Variants in NEK5 observed in about 807,000 individuals in gnomAD.
The protein encoded by NEK5 is NIMA related kinase 5, also known as serine/threonine-protein kinase Nek5.
In NEK5, 88 loss-of-function variants were observed where a neutral mutation model predicts 109.2. That is an observed-to-expected ratio of 0.81 (90% CI 0.68 to 0.96). The LOEUF is 0.96. Among genes scored for constraint, NEK5 ranks in the 40% least tolerant of loss-of-function variants. NEK5 has a pLI of 0.00. For missense variants in NEK5, 834 were observed against 920.7 expected (o/e 0.91, Z 1.22); for synonymous variants, 283 against 299.9 (o/e 0.94, Z 0.58).
In NEK5 at chr13:52,080,510, G is replaced by A. The variant is rs571883864; in HGVS notation, c.1572+2750C>T. Among the ~76,000 whole-genome samples the A allele has an allele frequency of 1.4e-4, 21 of 152,354 alleles. No individual in the cohort carries two copies. The East Asian group carries it at 2.3e-3, about 17-fold the overall frequency. On this transcript the variant is annotated intron_variant, in intron 17 of 23. Transcript: ENST00000684899. ...TGGTTGCCGTGTCTGTGTAGAAAGA[G>A]GTAGACATGGGAGACTTTTCATTTT...
intron 19 of NEK5, among the ~76,000 whole-genome samples, chr13:52,074,952 A>G (rs937243441): frequency 1.4e-4 from 21 of 152,238 alleles, no homozygotes; most frequent in Non-Finnish European, 8.8e-5. Flanking sequence ...CAGAATGGCT[A>G]TTACTAAAAA....
chr13:52,040,832 T>C (rs754698036), intron 23 of NEK5, among the ~76,000 whole-genome samples: 4 of 152,174 alleles, frequency 2.6e-5, no homozygotes, highest in Non-Finnish European at 2.9e-5. Context: ...TTTCTCAACA[T>C]AGATGTTTCC....
intron 20 of NEK5, among the ~76,000 whole-genome samples, chr13:52,067,405 T>C (rs185712377): frequency 2.0e-5 from 3 of 152,282 alleles, no homozygotes; most frequent in East Asian, 3.9e-4. Flanking sequence ...ATAAGGGAAC[T>C]AGCACAGGAA....
chr13:52,043,262 G>T (rs1399703303), intron 23 of NEK5, among the ~76,000 whole-genome samples: 25 of 151,926 alleles, frequency 1.6e-4, no homozygotes. Flanking sequence ...ATTAAGGCCG[G>T]GTACAGTGGA....
Position 52,127,670 on chromosome 13 carries a change from G to T in NEK5, c.-90-8C>A. The T allele has an allele frequency of 1.9e-6, 1 of 538,682 alleles. No homozygotes were observed. The highest frequency in any genetic ancestry group is 3.1e-5 in the East Asian group (1 of 32,262). 33.4% of individuals were successfully genotyped at this position (538,682 alleles called of 1,614,324 possible). A position where few individuals can be genotyped will look rare whatever the true frequency, so the allele number is the denominator to read the frequency against. On this transcript the variant is annotated splice_region_variant and splice_polypyrimidine_tract_variant and intron_variant, in intron 1 of 23. Coordinates refer to ENST00000684899, the MANE Select transcript of NEK5 (RefSeq NM_001365552.1). ...CTTTGTGGCCACAGATAACTGAAAT[G>T]AGACAGAGTTTCTTGGTCAGACACG... is the stretch of plus-strand genomic sequence containing the variant.
Position 52,110,526 on chromosome 13 carries a change from TG to T in NEK5, c.363del (p.Asp121GlufsTer9). 1 of 1,612,878 alleles carries T rather than the reference TG, an allele frequency of 6.2e-7. No individual in the cohort carries two copies. Among genetic ancestry groups the T allele is most frequent in the Non-Finnish European group, 8.5e-7 (1 of 1,179,034 alleles). On this transcript the variant is annotated frameshift_variant, in exon 6 of 24. Transcript: ENST00000684899. LOFTEE classifies it high-confidence loss of function. ...QISLGLKHIH[D>X]RKILHRDIKA... ...TTTATGTCCCTGTGTAATATCTTCCTGTCATGAATATGTTTTAGTCCTAGAG... is the reference window on the plus strand; with the variant it reads ...TTTATGTCCCTGTGTAATATCTTCCTTCATGAATATGTTTTAGTCCTAGAG...
At chr13:52,053,689 G>C (rs1198525255) in intron 22 of NEK5, among the ~76,000 whole-genome samples, 1 of 152,140 alleles carries the variant, frequency 6.6e-6, no homozygotes, top group African/African-American at 2.4e-5. Context: ...CAATTCACCA[G>C]ATGGGGCAAT....
chr13:52,037,099 C>CAA lies in NEK5; in HGVS notation c.2347_2348insTT (p.Arg783IlefsTer10), dbSNP rs1358337526. The CAA allele has an allele frequency of 1.0e-6, 1 of 985,272 alleles. No individual in the cohort carries two copies. Among genetic ancestry groups the CAA allele is most frequent in the Admixed American group, 6.1e-5 (1 of 16,266 alleles). The allele number at this position is 985,272 out of a possible 1,614,324, so 61.0% of individuals were successfully genotyped here. On this transcript the variant is annotated frameshift_variant, in exon 24 of 24. Coordinates refer to ENST00000684899, the MANE Select transcript of NEK5 (RefSeq NM_001365552.1). LOFTEE classifies it high-confidence loss of function. ...TATCCCCTCTCTTTCTCTTGACTTT[C>CAA]TAGAGTCCTTAGAGGTACTGGAGGC... is the stretch of plus-strand genomic sequence containing the variant.
chr13:52,058,880 G>C (rs1376617643), intron 22 of NEK5, among the ~76,000 whole-genome samples: 100 of 151,934 alleles, frequency 6.6e-4, no homozygotes, highest in Non-Finnish European at 1.2e-3. Context: ...TACCATTCAG[G>C]ACATAGGCAT....
rs113008754 is a variant in NEK5 at position 52,117,214 on chromosome 13, C to T, written c.214+2105G>A. Among the ~76,000 whole-genome samples, 7 of 152,294 alleles carry T rather than the reference C, an allele frequency of 4.6e-5. No homozygotes were observed. The East Asian group carries it at 5.8e-4, about 13-fold the overall frequency. On this transcript the variant is annotated intron_variant, in intron 4 of 23. Transcript: ENST00000684899. ...GATTACAGGCATGAGCCACTGCGCC[C>T]GGCCAAAACATTCTATTTTCTATAG...
chr13:52,116,844 A>G (rs1955869074), intron 4 of NEK5, among the ~76,000 whole-genome samples: 1 of 152,156 alleles, frequency 6.6e-6, no homozygotes, highest in South Asian at 2.1e-4. Context: ...CATGGAATTA[A>G]TTTTGTCTTA....
chr13:52,046,070 C>CA (rs1216006961), intron 23 of NEK5, among the ~76,000 whole-genome samples: 2,216 of 56,916 alleles, frequency 0.039, 32 homozygotes, highest in South Asian at 0.069. Flanking sequence ...GACTCCATCT[C>CA]AAAAAAAAAA....
chr13:52,084,696 T>C (rs55772266), intron 16 of NEK5, among the ~76,000 whole-genome samples: 61,356 of 147,302 alleles, frequency 0.42, 14,802 homozygotes, highest in Middle Eastern at 0.54. Flanking sequence ...AACCACCATG[T>C]CCGGCTAATT....
In NEK5 at chr13:52,096,186, A is replaced by G. The variant is rs373490087; in HGVS notation, c.1027-2951T>C. The stretch of plus-strand genomic sequence containing the variant: ...TTTTCTTTATAAATTACCCAGTCTC[A>G]GGTGTTCTTTATAGCAGTATGAGAA... On this transcript the variant is annotated intron_variant, in intron 12 of 23. Coordinates refer to ENST00000684899, the MANE Select transcript of NEK5 (RefSeq NM_001365552.1). Among the ~76,000 whole-genome samples, 84 of 152,318 alleles carry G rather than the reference A, an allele frequency of 5.5e-4. No homozygotes were observed. In the East Asian group the frequency reaches 0.015, roughly 28 times the overall value.
chr13:52,097,911 T>TCG (rs1955450362), intron 12 of NEK5, among the ~76,000 whole-genome samples: 12 of 152,158 alleles, frequency 7.9e-5, no homozygotes, highest in Non-Finnish European at 2.9e-5. Context: ...GGTGATTAGA[T>TCG]TATGGGGACA....
intron 17 of NEK5, among the ~76,000 whole-genome samples, chr13:52,078,210 C>T (rs1005800425): frequency 1.3e-5 from 2 of 151,982 alleles, no homozygotes; most frequent in Non-Finnish European, 1.5e-5. Flanking sequence ...ATAGAATATA[C>T]TCAGCAATAA....
rs1213419752 is a variant in NEK5, at chr13:52,052,094, C to T, written c.2111-1873G>A. On this transcript the variant is annotated intron_variant, in intron 22 of 23. Transcript: ENST00000684899. ...ACCTATGACCTGGAAGCCCTCCCCC[C>T]GACCCCACCCCCGCCCTGCTTCAAG... Among the ~76,000 whole-genome samples, 9 of 151,086 alleles carry T rather than the reference C, an allele frequency of 6.0e-5. No homozygotes were observed. In the South Asian group the frequency reaches 1.5e-3, roughly 25 times the overall value.
In NEK5 at chr13:52,076,015, CCCAGCCAGCTA is replaced by C. The variant is rs745756105; in HGVS notation, c.1653+37_1653+47del. The C allele has an allele frequency of 3.3e-6, 4 of 1,215,762 alleles. No individual in the cohort carries two copies. The East Asian group carries it at 9.5e-5, about 29-fold the overall frequency. 75.3% of individuals were successfully genotyped at this position (1,215,762 alleles called of 1,614,324 possible). A position where few individuals can be genotyped will look rare whatever the true frequency, so the allele number is the denominator to read the frequency against. Reference sequence around the variant, plus strand: ...GGCAACCGAGATCACAAGGTGGCTCCCCAGCCAGCTATTTAATATGGAACCCAAAGACAAAA... The same window carrying C: ...GGCAACCGAGATCACAAGGTGGCTCCTTTAATATGGAACCCAAAGACAAAA... On this transcript the variant is annotated intron_variant, in intron 18 of 23. Transcript: ENST00000684899.
chr13:52,103,030 A>G (rs1785725036), intron 9 of NEK5, among the ~76,000 whole-genome samples: 1 of 152,208 alleles, frequency 6.6e-6, no homozygotes, highest in East Asian at 1.9e-4. Context: ...TAACATAAAC[A>G]TCGTTTAATT....
Sources: allele counts gnomAD v4.1 joint callset (sites outside exome capture counted in the v4.1 genomes callset), GRCh38; gene constraint gnomAD v4.1.1; transcripts MANE v1.5; gene names NCBI Gene and HGNC (gene_info 2026-07-23, HGNC 2026-07-21).